TYR: variants seen among roughly 807,000 people sequenced by gnomAD.
TYR encodes LB24-AB.
Under a neutral mutation model 51.5 loss-of-function variants are expected in TYR, and 58 were observed. The observed-to-expected ratio is 1.13, with a 90% CI of 0.91 to 1.40. TYR has a LOEUF of 1.40. Ranked by LOEUF, TYR falls within the 40% of genes most tolerant of loss-of-function variation. The pLI, the probability that TYR is intolerant of heterozygous loss-of-function variation, is 0.00. For synonymous variants in TYR, 263 were observed against 235.2 expected (o/e 1.12, Z -1.08); for missense variants, 732 against 647.4 (o/e 1.13, Z -1.42).
chr11:89,229,962 T>C (rs1312751917), intron 3 of TYR, among the ~76,000 whole-genome samples: 1 of 152,072 alleles, frequency 6.6e-6, no homozygotes, highest in East Asian at 1.9e-4. Flanking sequence ...AAAATTACTA[T>C]ACTACCCAAA....
chr11:89,178,852 A>G, intron 1 of TYR, 80 bp downstream of exon 1: 1 of 1,397,132 alleles, frequency 7.2e-7, no homozygotes. Context: ...TAAACTTCTC[A>G]CCTGAACACT....
intron 2 of TYR, among the ~76,000 whole-genome samples, chr11:89,197,933 G>A (rs1046961978): frequency 2.0e-5 from 3 of 151,998 alleles, no homozygotes; most frequent in African/African-American, 7.3e-5. Flanking sequence ...TTTTTCTGCA[G>A]CCCTTCAGCT....
At position 89,244,983 on chromosome 11, in the gene TYR, G is replaced by A. The variant is rs1217320950; in HGVS notation, c.1184+17013G>A. ...AGTGAGAAAAAGAGCACCAAAGAAC[G>A]GGGACCACAGGAGTAGTCCTCTTTA... On this transcript the variant is annotated intron_variant, in intron 3 of 4. Coordinates refer to ENST00000263321, the MANE Select transcript of TYR (RefSeq NM_000372.5). 5.9e-5 allele frequency among the ~76,000 whole-genome samples: 9 copies of A among 152,282 alleles called. No homozygotes were observed. In the South Asian group the frequency reaches 8.3e-4, roughly 14 times the overall value.
chr11:89,185,879 C>A (rs149731702), intron 1 of TYR, among the ~76,000 whole-genome samples: 26 of 152,182 alleles, frequency 1.7e-4, no homozygotes, highest in African/African-American at 6.0e-4. Flanking sequence ...ATATTTTTAT[C>A]ATAGTTTATT....
intron 3 of TYR, among the ~76,000 whole-genome samples, chr11:89,280,370 G>A (rs1944707185): frequency 6.6e-6 from 1 of 151,248 alleles, no homozygotes; most frequent in Non-Finnish European, 1.5e-5. Flanking sequence ...TTCAGTTTGG[G>A]AAGTTTCTCC....
intron 4 of TYR, among the ~76,000 whole-genome samples, chr11:89,290,208 AC>A (rs1381084461): frequency 6.6e-6 from 1 of 152,068 alleles, no homozygotes; most frequent in African/African-American, 2.4e-5. Flanking sequence ...TTGGGACAGA[AC>A]AAAAAGGTGC....
intron 3 of TYR, among the ~76,000 whole-genome samples, chr11:89,269,492 C>T (rs529028279): frequency 3.3e-5 from 5 of 151,896 alleles, no homozygotes; most frequent in African/African-American, 9.6e-5. Flanking sequence ...AAAAAAACAC[C>T]GAAACTGCCT....
At chr11:89,217,547 C>G (rs1008191787) in intron 2 of TYR, among the ~76,000 whole-genome samples, 9 of 152,194 alleles carry the variant, frequency 5.9e-5, no homozygotes, top group African/African-American at 2.2e-4. Flanking sequence ...TTGACCACTA[C>G]TTATTCACAG....
intron 3 of TYR, among the ~76,000 whole-genome samples, chr11:89,259,207 G>A (rs117627162): frequency 0.017 from 2,598 of 152,060 alleles, 110 homozygotes; most frequent in Admixed American, 0.089. Context: ...CTAAGAACAC[G>A]ATGACTATAG....
chr11:89,268,984 A>G (rs1250333169), intron 3 of TYR, among the ~76,000 whole-genome samples: 1 of 151,950 alleles, frequency 6.6e-6, no homozygotes, highest in Non-Finnish European at 1.5e-5. Context: ...CTGTAATCCC[A>G]TAGGCTTTAT....
chr11:89,188,162 G>A (rs899120826), intron 1 of TYR, among the ~76,000 whole-genome samples: 11 of 151,506 alleles, frequency 7.3e-5, no homozygotes, highest in Admixed American at 3.3e-4. Flanking sequence ...GTTACATAAA[G>A]TACTCAATAC....
At chr11:89,277,097 C>A (rs1394077097) in intron 3 of TYR, among the ~76,000 whole-genome samples, 1 of 151,404 alleles carries the variant, frequency 6.6e-6, no homozygotes, top group South Asian at 2.1e-4. Context: ...TAGATAGTAC[C>A]ATCCCTTTTC....
At chr11:89,189,002 A>G (rs945715982) in intron 1 of TYR, among the ~76,000 whole-genome samples, 6 of 152,122 alleles carry the variant, frequency 3.9e-5, no homozygotes, top group African/African-American at 1.4e-4. Context: ...GAAACCAACA[A>G]AGAACAACAT....
chr11:89,250,404 T>A (rs1944316781), intron 3 of TYR, among the ~76,000 whole-genome samples: 1 of 152,008 alleles, frequency 6.6e-6, no homozygotes, highest in South Asian at 2.1e-4. Context: ...ACTTCTGTCT[T>A]ACTTTAAATT....
intron 2 of TYR, among the ~76,000 whole-genome samples, chr11:89,193,962 T>C (rs561361688): frequency 1.3e-5 from 2 of 152,246 alleles, no homozygotes; most frequent in South Asian, 4.1e-4. Context: ...GTGTATTTCC[T>C]AAGAATAGGA....
chr11:89,262,847 C>CAAA (rs771958187), intron 3 of TYR, among the ~76,000 whole-genome samples: 868 of 19,072 alleles, frequency 0.046, 52 homozygotes, highest in African/African-American at 0.079. Flanking sequence ...GCTACTCATC[C>CAAA]AAAAAAAAAA....
At chr11:89,209,501 G>C (rs1483816276) in intron 2 of TYR, among the ~76,000 whole-genome samples, 1 of 152,180 alleles carries the variant, frequency 6.6e-6, no homozygotes, top group Non-Finnish European at 1.5e-5. Context: ...AAGGCCTACT[G>C]CCTCTTTAGA....
intron 3 of TYR, among the ~76,000 whole-genome samples, chr11:89,229,243 C>T (rs973189592): frequency 1.3e-5 from 2 of 151,946 alleles, no homozygotes; most frequent in Admixed American, 1.3e-4. Flanking sequence ...AATTAAGTAA[C>T]AGTCTGTGTT....
chr11:89,274,897 C>T (rs1200691746), intron 3 of TYR, among the ~76,000 whole-genome samples: 1 of 151,714 alleles, frequency 6.6e-6, no homozygotes, highest in Non-Finnish European at 1.5e-5. Context: ...CTGTTTAGGT[C>T]CCTTTCAGCA....
Sources: gnomAD v4.1 joint callset for allele counts (sites outside exome capture counted in the v4.1 genomes callset) on GRCh38, gnomAD v4.1.1 for gene constraint, MANE v1.5 for transcripts, NCBI Gene and HGNC (gene_info 2026-07-23, HGNC 2026-07-21) for gene names.